NTN1: variants seen among roughly 807,000 people sequenced by gnomAD.
NTN1 encodes netrin 1.
In NTN1, 11 loss-of-function variants were observed where a neutral mutation model predicts 54.2. The observed-to-expected ratio is 0.20, with a 90% confidence interval of 0.13 to 0.34. The LOEUF (loss-of-function observed/expected upper bound fraction) is 0.34. Ranked by LOEUF, NTN1 falls within the 10% of genes least tolerant of loss-of-function variation. The pLI, the probability that NTN1 is intolerant of heterozygous loss-of-function variation, is 1.00. For missense variants in NTN1, 740 were observed against 893.1 expected, an observed-to-expected ratio of 0.83 and a Z score of 2.18; for synonymous variants, 371 against 382.0, an observed-to-expected ratio of 0.97 and a Z score of 0.33.
intron 6 of NTN1, among the ~76,000 whole-genome samples, chr17:9,230,618 G>T (rs1003816020): frequency 1.3e-5 from 2 of 152,164 alleles, no homozygotes; most frequent in Admixed American, 1.3e-4. Flanking sequence ...AGCTTGCTCT[G>T]GTGAGAGCCC....
At chr17:9,090,842 G>T (rs1293519367) in intron 2 of NTN1, among the ~76,000 whole-genome samples, 1 of 152,184 alleles carries the variant, frequency 6.6e-6, no homozygotes, top group Non-Finnish European at 1.5e-5. Context: ...CTCTGAGGGT[G>T]GGTGCCCATC....
intron 2 of NTN1, among the ~76,000 whole-genome samples, chr17:9,084,645 G>GTTTTTTTT (rs35003160): frequency 8.4e-5 from 7 of 83,314 alleles, no homozygotes; most frequent in Non-Finnish European, 1.7e-4. Context: ...GTTCTTTGCA[G>GTTTTTTTT]TTTTTTTTTT....
chr17:9,191,850 A>G (rs1289320022), intron 5 of NTN1, among the ~76,000 whole-genome samples: 2 of 139,070 alleles, frequency 1.4e-5, no homozygotes, highest in East Asian at 4.3e-4. Context: ...CAACATAATG[A>G]GACCTTATCG....
At chr17:9,020,147 T>A (rs746880679), upstream of NTN1, among the ~76,000 whole-genome samples, 2 of 152,178 alleles carry the variant, frequency 1.3e-5, no homozygotes, top group Non-Finnish European at 2.9e-5. Flanking sequence ...TCTTAGATTC[T>A]CAGGGTTTAT....
chr17:9,154,181 G>A (rs557975045), intron 2 of NTN1, among the ~76,000 whole-genome samples: 3 of 152,342 alleles, frequency 2.0e-5, no homozygotes, highest in Non-Finnish European at 4.4e-5. Flanking sequence ...ACCTGGGAGT[G>A]AGACCACAGC....
At chr17:9,031,509 G>A (rs1327709571) in intron 2 of NTN1, among the ~76,000 whole-genome samples, 1 of 152,196 alleles carries the variant, frequency 6.6e-6, no homozygotes, top group African/African-American at 2.4e-5. Context: ...TAGCCCATGA[G>A]ATGAAAACTA....
chr17:9,124,526 A>G (rs2092240235), intron 2 of NTN1, among the ~76,000 whole-genome samples: 1 of 152,206 alleles, frequency 6.6e-6, no homozygotes, highest in African/African-American at 2.4e-5. Context: ...CACTCAGACC[A>G]CACTCAGCTG....
intron 5 of NTN1, chr17:9,183,590 T>C (rs935465604): frequency 2.2e-5 from 6 of 272,916 alleles, no homozygotes; most frequent in Non-Finnish European, 4.4e-5. Context: ...TGGTTATTGC[T>C]TCTCAAAACG....
upstream of NTN1, among the ~76,000 whole-genome samples, chr17:9,016,897 T>C (rs1597459160): frequency 6.6e-6 from 1 of 152,218 alleles, no homozygotes; most frequent in East Asian, 1.9e-4. Flanking sequence ...TTCTTTCTCA[T>C]AGATAGTCAC....
intron 6 of NTN1, among the ~76,000 whole-genome samples, chr17:9,231,597 C>T (rs555183147): frequency 6.6e-6 from 1 of 152,326 alleles, no homozygotes; most frequent in South Asian, 2.1e-4. Flanking sequence ...AATGCCAGCC[C>T]GGCTTGCGGT....
intron 2 of NTN1, among the ~76,000 whole-genome samples, chr17:9,089,437 CAT>C (rs2092101636): frequency 2.0e-5 from 3 of 151,582 alleles, no homozygotes; most frequent in Non-Finnish European, 4.4e-5. Context: ...AAATTAAGGA[CAT>C]ATGTTTTGGC....
At chr17:9,095,394 G>C (rs1030839427) in intron 2 of NTN1, among the ~76,000 whole-genome samples, 4 of 152,164 alleles carry the variant, frequency 2.6e-5, no homozygotes, top group African/African-American at 9.7e-5. Flanking sequence ...CACTTTCATA[G>C]CTTAATTTTT....
At position 9,089,210 on chromosome 17, in the gene NTN1, C is replaced by T. The variant is rs145225194; in HGVS notation, c.1018+65819C>T. On this transcript the variant is annotated intron_variant, in intron 2 of 6. Coordinates refer to ENST00000173229, the MANE Select transcript of NTN1 (RefSeq NM_004822.3). Reference sequence around the variant, plus strand: ...GGTGGATCACCCGAGTTCAGGAGTTCGAGACCAGACTGACCACCATGGTGA... The same window carrying T: ...GGTGGATCACCCGAGTTCAGGAGTTTGAGACCAGACTGACCACCATGGTGA... Among the ~76,000 whole-genome samples, 666 of 152,186 alleles carry T rather than the reference C, an allele frequency of 4.4e-3. 6 individuals are homozygous for T. The highest frequency in any genetic ancestry group is 0.015 in the African/African-American group (607 of 41,526).
In NTN1 at chr17:9,022,941, C is replaced by G; in HGVS notation, c.568C>G (p.Arg190Gly). ...CCGCAAGATGTACAACCGGCCGCAC[C>G]GCGCGCCCATCACCAAGCAGAACGA... The part of the protein sequence containing the change: ...QCRKMYNRPH[R>G]APITKQNEQE... Residue 190 changes from arginine (R) to glycine (G), a missense_variant, in exon 2 of 7, where the codon CGC (arginine) becomes GGC (glycine). Coordinates refer to ENST00000173229, the MANE Select transcript of NTN1 (RefSeq NM_004822.3). The G allele has an allele frequency of 6.2e-7, 1 of 1,611,756 alleles. No homozygotes were observed.
chr17:9,081,919 C>T (rs181031140), intron 2 of NTN1, among the ~76,000 whole-genome samples: 8 of 152,302 alleles, frequency 5.3e-5, no homozygotes, highest in East Asian at 1.9e-4. Flanking sequence ...AGGGCCAAGA[C>T]GTTTTCTCCG....
chr17:9,224,844 G>A (rs1484078810), intron 6 of NTN1, among the ~76,000 whole-genome samples: 1 of 152,166 alleles, frequency 6.6e-6, no homozygotes, highest in African/African-American at 2.4e-5. Context: ...GCTGATGGGG[G>A]CTGGGGCTCT....
At chr17:9,007,944 G>A in the NTN1 span, among the ~76,000 whole-genome samples, 11 of 151,914 alleles carry the variant, frequency 7.2e-5, no homozygotes, top group African/African-American at 1.7e-4. Context: ...GGATTTTGCT[G>A]TGTTGTCCAG....
intron 2 of NTN1, among the ~76,000 whole-genome samples, chr17:9,043,782 G>A (rs960451782): frequency 6.6e-6 from 1 of 152,150 alleles, no homozygotes; most frequent in Non-Finnish European, 1.5e-5. Flanking sequence ...GTTTCACCAT[G>A]TTGGTCAGGC....
intron 5 of NTN1, chr17:9,183,774 G>A (rs2092425846): frequency 5.9e-6 from 1 of 170,766 alleles, no homozygotes; most frequent in Non-Finnish European, 1.3e-5. Flanking sequence ...ATGGGGAAAT[G>A]TTTGTCTGAG....
Sources: allele counts gnomAD v4.1 joint callset (sites outside exome capture counted in the v4.1 genomes callset), GRCh38; gene constraint gnomAD v4.1.1; transcripts MANE v1.5; gene names NCBI Gene and HGNC (gene_info 2026-07-23, HGNC 2026-07-21).